EYS: variants seen among roughly 807,000 people sequenced by gnomAD.
The protein encoded by EYS is EGF-like photoreceptor maintenance factor.
Under a neutral mutation model 282.1 loss-of-function variants are expected in EYS, and 250 were observed. The ratio of observed to expected loss-of-function variants is 0.89; its 90% CI spans 0.80 to 0.98. EYS has a LOEUF of 0.98. Ranked by LOEUF, EYS falls within the 50% of genes least tolerant of loss-of-function variation. EYS has a pLI of 0.00. For missense variants in EYS, 4,016 were observed against 3,709.0 expected (o/e 1.08, Z -2.15); for synonymous variants, 1,355 against 1,282.9 (o/e 1.06, Z -1.20).
At chr6:65,577,234 C>T (rs1168410287) in intron 2 of EYS, among the ~76,000 whole-genome samples, 3 of 151,618 alleles carry the variant, frequency 2.0e-5, no homozygotes, top group African/African-American at 7.3e-5. Context: ...CAAACAAAAA[C>T]CTGTTGTCCA....
intron 33 of EYS, among the ~76,000 whole-genome samples, chr6:64,004,181 C>G (rs1768226777): frequency 6.6e-6 from 1 of 152,012 alleles, no homozygotes; most frequent in Non-Finnish European, 1.5e-5. Flanking sequence ...GTCTGACATT[C>G]TTCTTAGGTA....
intron 33 of EYS, among the ~76,000 whole-genome samples, chr6:64,059,523 C>A (rs1176469827): frequency 6.6e-6 from 1 of 152,104 alleles, no homozygotes; most frequent in Non-Finnish European, 1.5e-5. Flanking sequence ...CTGAGATGCT[C>A]CACCTTATTT....
At chr6:65,021,426 C>T (rs1160079734) in intron 13 of EYS, among the ~76,000 whole-genome samples, 1 of 152,188 alleles carries the variant, frequency 6.6e-6, no homozygotes, top group Admixed American at 6.5e-5. Context: ...TATGAGACCA[C>T]CTCAGCCTCA....
intron 31 of EYS, among the ~76,000 whole-genome samples, chr6:64,121,651 A>G (rs900279512): frequency 2.0e-5 from 3 of 152,220 alleles, no homozygotes; most frequent in African/African-American, 7.2e-5. Flanking sequence ...CTTGAGCTAT[A>G]GTCTCCTATC....
chr6:64,041,560 A>G (rs181869752), intron 33 of EYS, among the ~76,000 whole-genome samples: 4 of 152,310 alleles, frequency 2.6e-5, no homozygotes, highest in Non-Finnish European at 5.9e-5. Flanking sequence ...TTTGAGGATG[A>G]ACAGAGATGG....
chr6:64,368,325 T>C (rs536804044), intron 29 of EYS, among the ~76,000 whole-genome samples: 10 of 152,264 alleles, frequency 6.6e-5, no homozygotes, highest in African/African-American at 2.4e-4. Flanking sequence ...ATATTTTTAA[T>C]CCAGTCTACC....
rs1770904723 is a variant in EYS, at chr6:63,806,208, T to TA, written c.7392dup (p.Thr2465TyrfsTer12). 3 of 1,551,460 alleles carry TA rather than the reference T, an allele frequency of 1.9e-6. No homozygotes were observed. The highest frequency in any genetic ancestry group is 2.6e-6 in the Non-Finnish European group (3 of 1,146,816). On this transcript the variant is annotated frameshift_variant, in exon 37 of 43. Transcript: ENST00000503581. LOFTEE classifies it high-confidence loss of function. ...ATCTTACCATGGCCTTTCTGTCCAG[T>TA]AAAAAATATCAAGTTATTTTGCAGT...
At chr6:64,400,957 C>T (rs1281486581) in intron 28 of EYS, among the ~76,000 whole-genome samples, 1 of 151,880 alleles carries the variant, frequency 6.6e-6, no homozygotes, top group Non-Finnish European at 1.5e-5. Context: ...TTTAGTGAGC[C>T]ATGAATTCTA....
chr6:64,629,068 C>T (rs531885381), intron 22 of EYS, among the ~76,000 whole-genome samples: 3 of 152,280 alleles, frequency 2.0e-5, no homozygotes, highest in African/African-American at 7.2e-5. Context: ...ATACCACATT[C>T]CATTTAGTTG....
At chr6:64,304,754 A>T (rs748928012) in intron 30 of EYS, among the ~76,000 whole-genome samples, 2 of 152,246 alleles carry the variant, frequency 1.3e-5, no homozygotes, top group Non-Finnish European at 2.9e-5. Context: ...GAAACTGAAC[A>T]ACATTCTGTT....
chr6:64,999,173 G>A (rs907070355), intron 13 of EYS, among the ~76,000 whole-genome samples: 1 of 152,172 alleles, frequency 6.6e-6, no homozygotes, highest in Non-Finnish European at 1.5e-5. Flanking sequence ...AGTGCCAGAA[G>A]AGAACCTAGA....
chr6:65,049,281 A>G (rs1296339923), intron 13 of EYS, among the ~76,000 whole-genome samples: 1 of 151,748 alleles, frequency 6.6e-6, no homozygotes, highest in African/African-American at 2.4e-5. Flanking sequence ...ATGTTCTCAG[A>G]GTAATTTTAG....
chr6:65,038,718 A>G (rs1437882601), intron 13 of EYS, among the ~76,000 whole-genome samples: 1 of 151,468 alleles, frequency 6.6e-6, no homozygotes, highest in Non-Finnish European at 1.5e-5. Context: ...ACAGTGTGTG[A>G]GACTTTGAGT....
At chr6:65,330,967 T>C (rs771029710) in intron 11 of EYS, 14 of 984,272 alleles carry the variant, frequency 1.4e-5, no homozygotes. Flanking sequence ...ATTTCTCATA[T>C]ATTGAGTTCC....
intron 22 of EYS, among the ~76,000 whole-genome samples, chr6:64,794,992 T>C (rs1013195391): frequency 9.4e-4 from 143 of 152,200 alleles, no homozygotes; most frequent in African/African-American, 3.3e-3. Flanking sequence ...CCCAGCACTT[T>C]GGCAGGCCGA....
At chr6:64,654,388 G>C (rs114506001) in intron 22 of EYS, among the ~76,000 whole-genome samples, 1,664 of 152,296 alleles carry the variant, frequency 0.011, 37 homozygotes, top group African/African-American at 0.038. Flanking sequence ...CTGTTGTCTA[G>C]AGGGAAAGAC....
intron 22 of EYS, among the ~76,000 whole-genome samples, chr6:64,627,150 A>T (rs1767636128): frequency 6.6e-6 from 1 of 152,226 alleles, no homozygotes; most frequent in African/African-American, 2.4e-5. Context: ...TGCCTACAAC[A>T]TGCAGGTATT....
intron 41 of EYS, among the ~76,000 whole-genome samples, chr6:63,728,836 T>C (rs1582148521): frequency 3.3e-5 from 5 of 152,168 alleles, no homozygotes; most frequent in Admixed American, 2.6e-4. Flanking sequence ...TTTCAGCTCC[T>C]TTGGACAAAT....
intron 2 of EYS, among the ~76,000 whole-genome samples, chr6:65,520,443 C>A (rs1767323131): frequency 6.6e-6 from 1 of 152,066 alleles, no homozygotes; most frequent in Admixed American, 6.6e-5. Context: ...GGGAAGTAGG[C>A]CTTGTGCTGG....
Sources: gnomAD v4.1 joint callset for allele counts (sites outside exome capture counted in the v4.1 genomes callset) on GRCh38, gnomAD v4.1.1 for gene constraint, MANE v1.5 for transcripts, NCBI Gene and HGNC (gene_info 2026-07-23, HGNC 2026-07-21) for gene names.